The following WWOX variants were observed in gnomAD, a reference collection of about 807,000 sequenced individuals.
WWOX encodes WW domain containing oxidoreductase.
A neutral mutation model predicts 46.2 loss-of-function variants in WWOX; 69 were observed. That is an observed-to-expected ratio of 1.49 (90% CI 1.23 to 1.82). The LOEUF (loss-of-function observed/expected upper bound fraction) is 1.82, where lower values mean the gene tolerates loss of function less well. Ranked by LOEUF, WWOX falls within the 40% of genes most tolerant of loss-of-function variation. The pLI is 0.00. For missense variants in WWOX, 919 were observed against 542.6 expected, an observed-to-expected ratio of 1.69 and a Z score of -6.89; for synonymous variants, 359 against 202.6, an observed-to-expected ratio of 1.77 and a Z score of -6.56.
At chr16:78,538,879 G>A (rs958662056) in intron 8 of WWOX, among the ~76,000 whole-genome samples, 3 of 152,208 alleles carry the variant, frequency 2.0e-5, no homozygotes, top group African/African-American at 7.2e-5. Flanking sequence ...GTACCTATGA[G>A]ATGCATTTGA....
chr16:79,188,562 A>G (rs1163634360), intron 8 of WWOX, among the ~76,000 whole-genome samples: 1 of 152,300 alleles, frequency 6.6e-6, no homozygotes, highest in South Asian at 2.1e-4. Context: ...GTTTCACCTA[A>G]TTTCCACACT....
intron 8 of WWOX, among the ~76,000 whole-genome samples, chr16:79,190,891 G>A (rs894562482): frequency 1.5e-4 from 23 of 152,300 alleles, no homozygotes; most frequent in Admixed American, 8.5e-4. Flanking sequence ...GAGGACTCTT[G>A]AGTTAGACAG....
At chr16:78,966,645 C>G (rs546121651) in intron 8 of WWOX, among the ~76,000 whole-genome samples, 18 of 151,950 alleles carry the variant, frequency 1.2e-4, no homozygotes, top group South Asian at 2.1e-4. Context: ...TAATATTGAG[C>G]TATTTCTTAA....
intron 8 of WWOX, among the ~76,000 whole-genome samples, chr16:78,759,436 T>C (rs931247743): frequency 6.6e-6 from 1 of 152,182 alleles, no homozygotes; most frequent in African/African-American, 2.4e-5. Flanking sequence ...TGAGAGCCTG[T>C]TGAGTTAAAA....
At chr16:78,384,077 G>A (rs183209754) in intron 5 of WWOX, among the ~76,000 whole-genome samples, 12 of 152,214 alleles carry the variant, frequency 7.9e-5, no homozygotes, top group East Asian at 5.8e-4. Context: ...CTTTGGGGTC[G>A]CCATCTGGGA....
intron 8 of WWOX, among the ~76,000 whole-genome samples, chr16:79,113,449 GT>G (rs1434764968): frequency 1.3e-5 from 2 of 152,192 alleles, no homozygotes; most frequent in Non-Finnish European, 2.9e-5. Flanking sequence ...GGCACTTCTG[GT>G]CCACACCTTG....
intron 8 of WWOX, among the ~76,000 whole-genome samples, chr16:78,534,778 C>T (rs1446618987): frequency 6.6e-6 from 1 of 151,974 alleles, no homozygotes; most frequent in Non-Finnish European, 1.5e-5. Context: ...GGCACAATCT[C>T]AGCTCACTGC....
At chr16:78,456,236 A>G (rs1451296541) in intron 8 of WWOX, among the ~76,000 whole-genome samples, 1 of 152,194 alleles carries the variant, frequency 6.6e-6, no homozygotes, top group East Asian at 1.9e-4. Flanking sequence ...GAAGAGGGAC[A>G]CATTTTTAAC....
chr16:78,215,820 G>T (rs2036701373), intron 5 of WWOX, among the ~76,000 whole-genome samples: 1 of 151,888 alleles, frequency 6.6e-6, no homozygotes, highest in South Asian at 2.1e-4. Flanking sequence ...CAGCTATTTG[G>T]GACCCTGAGG....
chr16:78,828,745 A>G (rs890254404), intron 8 of WWOX, among the ~76,000 whole-genome samples: 1 of 151,992 alleles, frequency 6.6e-6, no homozygotes, highest in Non-Finnish European at 1.5e-5. Flanking sequence ...TAGTCCTCCA[A>G]CCCTATAAAG....
intron 8 of WWOX, among the ~76,000 whole-genome samples, chr16:78,915,377 G>A (rs2045223805): frequency 1.3e-5 from 2 of 152,150 alleles, no homozygotes; most frequent in Non-Finnish European, 2.9e-5. Flanking sequence ...GAGGCTGGGA[G>A]ATTTTTCCAT....
In WWOX at chr16:78,109,688, G is replaced by T. The variant is rs2032371767; in HGVS notation, c.173-90G>T. 4 of 1,330,122 alleles carry T rather than the reference G, an allele frequency of 3.0e-6. No individual in the cohort carries two copies. The South Asian group carries it at 3.6e-5, about 12-fold the overall frequency. The allele number at this position is 1,330,122 out of a possible 1,614,324, so 82.4% of individuals were successfully genotyped here. A position where few individuals can be genotyped will look rare whatever the true frequency, so the allele number is the denominator to read the frequency against. ...CTGGGTGGGAGGGACAGGCTTGGGG[G>T]CGGGGCTGGGAGGGCTCCTTCCCTT... On this transcript the variant is annotated intron_variant, in intron 2 of 8. Coordinates refer to ENST00000566780, the MANE Select transcript of WWOX (RefSeq NM_016373.4).
chr16:78,409,753 A>C (rs923415427), intron 6 of WWOX, among the ~76,000 whole-genome samples: 1 of 152,182 alleles, frequency 6.6e-6, no homozygotes, highest in African/African-American at 2.4e-5. Flanking sequence ...TCCAGGGAGA[A>C]TATTTTTCCT....
At chr16:78,507,426 C>T (rs996329135) in intron 8 of WWOX, among the ~76,000 whole-genome samples, 11 of 152,154 alleles carry the variant, frequency 7.2e-5, no homozygotes, top group African/African-American at 2.7e-4. Flanking sequence ...TAGTTTATAT[C>T]TCAGTCATTT....
intron 8 of WWOX, among the ~76,000 whole-genome samples, chr16:78,718,413 A>G (rs1597487046): frequency 6.6e-6 from 1 of 152,182 alleles, no homozygotes; most frequent in Non-Finnish European, 1.5e-5. Context: ...AATAAATTTA[A>G]TGTTTTTTTG....
intron 8 of WWOX, among the ~76,000 whole-genome samples, chr16:79,014,176 G>A (rs1201204388): frequency 2.0e-5 from 3 of 152,160 alleles, no homozygotes; most frequent in African/African-American, 7.2e-5. Flanking sequence ...GAAGGCCCTG[G>A]ATTTTGTCAA....
At chr16:78,602,487 C>G (rs1269852804) in intron 8 of WWOX, among the ~76,000 whole-genome samples, 1 of 152,176 alleles carries the variant, frequency 6.6e-6, no homozygotes, top group Non-Finnish European at 1.5e-5. Flanking sequence ...CCACCTCGGC[C>G]TCTCAAAGTG....
chr16:78,591,727 T>C (rs16948159), intron 8 of WWOX, among the ~76,000 whole-genome samples: 2,004 of 152,316 alleles, frequency 0.013, 39 homozygotes, highest in African/African-American at 0.046. Flanking sequence ...AAGTACCTGA[T>C]TGAGTAACTG....
chr16:78,961,487 A>G (rs2046270175), intron 8 of WWOX, among the ~76,000 whole-genome samples: 1 of 151,818 alleles, frequency 6.6e-6, no homozygotes, highest in Admixed American at 6.6e-5. Flanking sequence ...ATGGATAGGT[A>G]GATGGATGGA....
Sources: gnomAD v4.1 joint callset for allele counts (sites outside exome capture counted in the v4.1 genomes callset) on GRCh38, gnomAD v4.1.1 for gene constraint, MANE v1.5 for transcripts, NCBI Gene and HGNC (gene_info 2026-07-23, HGNC 2026-07-21) for gene names.